Variants in CHCHD3 observed in about 807,000 individuals in gnomAD.
The protein encoded by CHCHD3 is MICOS complex subunit MIC19.
A neutral mutation model predicts 38.2 loss-of-function variants in CHCHD3; 20 were observed. That is an observed-to-expected ratio of 0.52 (90% CI 0.37 to 0.76). The LOEUF (loss-of-function observed/expected upper bound fraction) is 0.76, where lower values mean the gene tolerates loss of function less well. CHCHD3 is among the 30% of genes least tolerant of loss of function. The pLI, the probability that CHCHD3 is intolerant of heterozygous loss-of-function variation, is 0.00. For missense variants in CHCHD3, 245 were observed against 279.2 expected (o/e 0.88, Z 0.87); for synonymous variants, 82 against 100.0 (o/e 0.82, Z 1.07).
rs78129047 is a variant in CHCHD3 at position 132,819,595 on chromosome 7, C to T, written c.524+18804G>A. On this transcript the variant is annotated intron_variant, in intron 6 of 7. Coordinates refer to ENST00000262570, the MANE Select transcript of CHCHD3 (RefSeq NM_017812.4). Reference sequence around the variant, plus strand: ...GCTCAGATACAGCTTGTACCTTAAACGGTTCACACTTGAGAAGGGAGATGG... The same window carrying T: ...GCTCAGATACAGCTTGTACCTTAAATGGTTCACACTTGAGAAGGGAGATGG... Among the ~76,000 whole-genome samples the T allele has an allele frequency of 1.8e-4, 28 of 152,276 alleles. 1 individual carries two copies. The East Asian group carries it at 4.2e-3, about 23-fold the overall frequency.
chr7:132,911,849 T>C (rs1809959171), intron 4 of CHCHD3, among the ~76,000 whole-genome samples: 1 of 152,240 alleles, frequency 6.6e-6, no homozygotes, highest in Non-Finnish European at 1.5e-5. Flanking sequence ...GATCACTAAA[T>C]ATAAACCAAA....
At chr7:132,978,481 C>T (rs765106894) in intron 3 of CHCHD3, among the ~76,000 whole-genome samples, 2 of 152,100 alleles carry the variant, frequency 1.3e-5, no homozygotes, top group East Asian at 3.8e-4. Context: ...TATAAAAGTG[C>T]CTGCCACATA....
chr7:132,855,621 T>C (rs1302017054), intron 5 of CHCHD3, among the ~76,000 whole-genome samples: 1 of 152,126 alleles, frequency 6.6e-6, no homozygotes, highest in Non-Finnish European at 1.5e-5. Flanking sequence ...TGAAAAGTCT[T>C]AGCTTGCAGG....
intron 4 of CHCHD3, among the ~76,000 whole-genome samples, chr7:132,939,605 A>G (rs1472113581): frequency 6.6e-6 from 1 of 152,172 alleles, no homozygotes; most frequent in East Asian, 1.9e-4. Flanking sequence ...TTCAGAATGT[A>G]TCTTCTTTGT....
Position 132,916,771 on chromosome 7 carries a change from G to A in CHCHD3, c.370-31026C>T, listed in dbSNP as rs569495298. Among the ~76,000 whole-genome samples the A allele has an allele frequency of 1.3e-3, 205 of 152,116 alleles. 1 individual carries two copies. Among genetic ancestry groups the A allele is most frequent in the Non-Finnish European group, 2.3e-3 (157 of 68,006 alleles). ...TAATTTTATTTTTGGTAGAGATGGGGTCTCTCTATATTTGCCCAGGCTGGT... is the reference window on the plus strand; with the variant it reads ...TAATTTTATTTTTGGTAGAGATGGGATCTCTCTATATTTGCCCAGGCTGGT... On this transcript the variant is annotated intron_variant, in intron 4 of 7. Transcript: ENST00000262570.
chr7:132,840,284 G>A (rs1244951979), intron 5 of CHCHD3, among the ~76,000 whole-genome samples: 2 of 152,166 alleles, frequency 1.3e-5, no homozygotes, highest in Non-Finnish European at 2.9e-5. Flanking sequence ...GTAGCAAAAA[G>A]GCAGTTACTA....
At chr7:132,796,255 G>A (rs1014838033) in intron 7 of CHCHD3, among the ~76,000 whole-genome samples, 187 bp downstream of exon 7, 9 of 152,142 alleles carry the variant, frequency 5.9e-5, no homozygotes, top group Non-Finnish European at 1.2e-4. Flanking sequence ...AGGAAGATAT[G>A]GGCTCTTTGA....
Position 132,818,346 on chromosome 7 carries a change from A to T in CHCHD3, c.524+20053T>A, listed in dbSNP as rs377591175. Among the ~76,000 whole-genome samples the T allele has an allele frequency of 1.1e-4, 16 of 152,348 alleles. 1 individual carries two copies. In the East Asian group the frequency reaches 2.9e-3, roughly 28 times the overall value. On this transcript the variant is annotated intron_variant, in intron 6 of 7. Coordinates refer to ENST00000262570, the MANE Select transcript of CHCHD3 (RefSeq NM_017812.4). ...ACTAATGCAAGCAAGGTAGTGACCC[A>T]CTAGGTTAATGGGACTTGACAATCA...
rs1461979799 is a variant in CHCHD3 at position 133,082,029 on chromosome 7, C to G, written c.-92G>C. The G allele has an allele frequency of 1.7e-6, 2 of 1,202,286 alleles. No homozygotes were observed. Among genetic ancestry groups the G allele is most frequent in the Non-Finnish European group, 2.3e-6 (2 of 878,456 alleles). 74.5% of individuals were successfully genotyped at this position (1,202,286 alleles called of 1,614,324 possible). ...ACACGCGCGTGGAAGGGCCTGGATT[C>G]TTTTCCCGCACAGCGGGAGCAAGGC... On this transcript the variant is annotated 5_prime_UTR_variant, in exon 1 of 8. Transcript: ENST00000262570.
At chr7:133,032,733 T>C (rs1354981725) in intron 2 of CHCHD3, among the ~76,000 whole-genome samples, 1 of 152,186 alleles carries the variant, frequency 6.6e-6, no homozygotes, top group Non-Finnish European at 1.5e-5. Flanking sequence ...GAATCAGATA[T>C]ATCTAGTATT....
intron 3 of CHCHD3, among the ~76,000 whole-genome samples, chr7:132,996,885 G>A (rs905335073): frequency 1.3e-5 from 2 of 152,166 alleles, no homozygotes; most frequent in African/African-American, 4.8e-5. Flanking sequence ...AAACATCTTC[G>A]GCATACTGCC....
chr7:133,008,843 T>C (rs1442957755), intron 3 of CHCHD3, among the ~76,000 whole-genome samples: 2 of 152,136 alleles, frequency 1.3e-5, no homozygotes, highest in Non-Finnish European at 2.9e-5. Flanking sequence ...TCTTCATTTT[T>C]CTCTCACTTT....
intron 2 of CHCHD3, among the ~76,000 whole-genome samples, chr7:133,069,658 T>C (rs1814763859): frequency 6.6e-6 from 1 of 152,218 alleles, no homozygotes; most frequent in Admixed American, 6.5e-5. Context: ...AATAATTCTT[T>C]ATGGATTTTA....
intron 4 of CHCHD3, among the ~76,000 whole-genome samples, chr7:132,940,407 T>C (rs922967775): frequency 1.3e-5 from 2 of 152,170 alleles, no homozygotes; most frequent in African/African-American, 4.8e-5. Context: ...GGCCTATCCC[T>C]TGATACACTG....
At chr7:132,880,824 A>G (rs539036328) in intron 5 of CHCHD3, among the ~76,000 whole-genome samples, 1 of 152,294 alleles carries the variant, frequency 6.6e-6, no homozygotes, top group African/African-American at 2.4e-5. Flanking sequence ...GGGAAAACAA[A>G]AAAAACAGAA....
chr7:133,060,368 C>A (rs577209471), intron 2 of CHCHD3, among the ~76,000 whole-genome samples: 1 of 152,092 alleles, frequency 6.6e-6, no homozygotes, highest in Admixed American at 6.5e-5. Flanking sequence ...GGGTGTGTAA[C>A]GGGCAATGGC....
At chr7:132,847,247 G>A (rs926031780) in intron 5 of CHCHD3, 7 of 152,188 alleles carry the variant, frequency 4.6e-5, no homozygotes, top group Non-Finnish European at 7.3e-5. Flanking sequence ...AGGAGGCTAG[G>A]AAATTGATTA....
intron 5 of CHCHD3, among the ~76,000 whole-genome samples, chr7:132,871,766 A>G (rs562943301): frequency 6.6e-6 from 1 of 152,320 alleles, no homozygotes; most frequent in East Asian, 1.9e-4. Flanking sequence ...ACTGTGTGTC[A>G]CAGGTACCTA....
At chr7:132,994,458 C>T (rs148064622) in intron 3 of CHCHD3, among the ~76,000 whole-genome samples, 108 of 152,212 alleles carry the variant, frequency 7.1e-4, no homozygotes, top group African/African-American at 2.4e-3. Flanking sequence ...AGAAAGACAC[C>T]GCCAATTGCT....
Sources: gnomAD v4.1 joint callset for allele counts (sites outside exome capture counted in the v4.1 genomes callset) on GRCh38, gnomAD v4.1.1 for gene constraint, MANE v1.5 for transcripts, NCBI Gene and HGNC (gene_info 2026-07-23, HGNC 2026-07-21) for gene names.